The following PLCH2 variants were observed in gnomAD, a reference collection of about 807,000 sequenced individuals.
PLCH2 encodes 1-phosphatidylinositol 4,5-bisphosphate phosphodiesterase eta-2.
Under a neutral mutation model 134.7 loss-of-function variants are expected in PLCH2, and 98 were observed. The observed-to-expected ratio is 0.73, with a 90% CI of 0.62 to 0.86. PLCH2 has a LOEUF of 0.86. Among genes scored for constraint, PLCH2 ranks in the 40% least tolerant of loss-of-function variants. PLCH2 has a pLI of 0.00. For missense variants in PLCH2, 1,994 were observed against 1,986.6 expected (o/e 1.00, Z -0.07); for synonymous variants, 974 against 827.5 (o/e 1.18, Z -3.04).
Position 2,505,316 on chromosome 1 carries a change from C to T in PLCH2, c.*103C>T, listed in dbSNP as rs1056871548. The T allele has an allele frequency of 1.2e-6, 1 of 835,810 alleles. No homozygotes were observed. Among genetic ancestry groups the T allele is most frequent in the Non-Finnish European group, 1.8e-6 (1 of 552,618 alleles). 51.8% of individuals were successfully genotyped at this position (835,810 alleles called of 1,614,324 possible). ...AGCCAGGCCCCCAAAACTGTGTCCC[C>T]CTGGCTGCCCTGTGTCCCCTCCACC... On this transcript the variant is annotated 3_prime_UTR_variant, in exon 22 of 22. Transcript: ENST00000378486.
chr1:2,497,442 G>A, intron 15 of PLCH2, 60 bp from the exon 16 acceptor site: 1 of 1,218,724 alleles, frequency 8.2e-7, no homozygotes. Flanking sequence ...TGGTGGGTGG[G>A]CGGGGCACAC....
intron 2 of PLCH2, among the ~76,000 whole-genome samples, chr1:2,450,970 G>A (rs1468735482): frequency 6.6e-6 from 1 of 151,544 alleles, no homozygotes; most frequent in African/African-American, 2.4e-5. Flanking sequence ...GAGAAGGAGG[G>A]ACAGCTCGGC....
chr1:2,451,221 C>T (rs551509960), intron 2 of PLCH2, among the ~76,000 whole-genome samples: 1 of 152,308 alleles, frequency 6.6e-6, no homozygotes, highest in African/African-American at 2.4e-5. Flanking sequence ...CTCCCCAGGG[C>T]CCTCCCCCTC....
chr1:2,494,052 C>T (rs927468312), intron 11 of PLCH2, among the ~76,000 whole-genome samples: 1 of 152,204 alleles, frequency 6.6e-6, no homozygotes, highest in African/African-American at 2.4e-5. Context: ...ACCGCTGCTG[C>T]AGGCCCACGG....
intron 1 of PLCH2, among the ~76,000 whole-genome samples, chr1:2,429,245 G>C (rs2100478110): frequency 6.6e-6 from 1 of 152,298 alleles, no homozygotes; most frequent in South Asian, 2.1e-4. Flanking sequence ...AGCCCTGGCT[G>C]TTCTTCCCAC....
In PLCH2 at chr1:2,437,768, T is replaced by C. The variant is rs189381864; in HGVS notation, c.115+7139T>C. Among the ~76,000 whole-genome samples the C allele has an allele frequency of 4.0e-4, 61 of 152,238 alleles. No homozygotes were observed. The East Asian group carries it at 5.6e-3, about 14-fold the overall frequency. ...TACCACACACATACGTGCACACACA[T>C]ATGTATACCCACCCCCACACACATA... On this transcript the variant is annotated intron_variant, in intron 2 of 3. Transcript: ENST00000609981.
intron 1 of PLCH2, among the ~76,000 whole-genome samples, chr1:2,430,103 G>C (rs543162404): frequency 6.6e-6 from 1 of 152,120 alleles, no homozygotes; most frequent in Non-Finnish European, 1.5e-5. Flanking sequence ...TTCAGGGCAG[G>C]GTCCTGTGGC....
At position 2,504,553 on chromosome 1, in the gene PLCH2, G is replaced by C. The variant is rs1643429805; in HGVS notation, c.3591G>C (p.Val1197=). The change falls in exon 22 of 22, where the codon GTG becomes GTC. Residue 1197 remains valine, a synonymous_variant. Coordinates refer to ENST00000378486, the MANE Select transcript of PLCH2 (RefSeq NM_014638.4). ...CTGCCCGCCCAGACCTGCCACCTGTGACCAAGAGCAAATCCAACCCCAACC... is the reference window on the plus strand; with the variant it reads ...CTGCCCGCCCAGACCTGCCACCTGTCACCAAGAGCAAATCCAACCCCAACC... ...ASAARPDLPP[V]TKSKSNPNLR... is the part of the protein sequence containing the mutation. The C allele has an allele frequency of 1.9e-6, 3 of 1,612,682 alleles. No individual in the cohort carries two copies. Among genetic ancestry groups the C allele is most frequent in the Non-Finnish European group, 1.7e-6 (2 of 1,179,782 alleles).
upstream of PLCH2, among the ~76,000 whole-genome samples, chr1:2,465,131 C>T (rs912889279): frequency 2.0e-5 from 3 of 152,180 alleles, no homozygotes; most frequent in Non-Finnish European, 4.4e-5. Flanking sequence ...AGCTGAGAAC[C>T]TAGGGCTGTG....
In PLCH2 at chr1:2,436,315, TTCCTCCC is replaced by T. The variant is rs1196227267; in HGVS notation, c.115+5695_115+5701del. Among the ~76,000 whole-genome samples the T allele has an allele frequency of 2.3e-3, 67 of 29,638 alleles. 2 individuals carry two copies. Among genetic ancestry groups the T allele is most frequent in the African/African-American group, 9.3e-3 (60 of 6,464 alleles). The allele number at this position is 29,638 out of a possible 152,430, so 19.4% of individuals were successfully genotyped here. A position where few individuals can be genotyped will look rare whatever the true frequency, so the allele number is the denominator to read the frequency against. ...CCTTTCCTCCTTCTTCCCTCCTCCC[TTCCTCCC>T]TCCTCCCTTCCTCCCTCCACCTTTC... On this transcript the variant is annotated intron_variant, in intron 2 of 3. Transcript: ENST00000609981.
chr1:2,504,778 C>T lies in PLCH2; in HGVS notation c.3816C>T (p.Gly1272=). Residue 1272 remains glycine (G), a synonymous_variant, in exon 22 of 22, where the codon GGC becomes GGT. Coordinates refer to ENST00000378486, the MANE Select transcript of PLCH2 (RefSeq NM_014638.4). ...ACTTTGCCCCTAGCTTTGAGGGCGG[C>T]TCCCGCAGACTGAGCCACAGCCTGG... is the stretch of plus-strand genomic sequence containing the variant. ...ADDFAPSFEG[G]SRRLSHSLGL... is the part of the protein sequence containing the mutation. 1 of 1,612,246 alleles carries T rather than the reference C, an allele frequency of 6.2e-7. No individual in the cohort carries two copies. The highest frequency in any genetic ancestry group is 1.3e-5 in the African/African-American group (1 of 75,054).
chr1:2,483,430 G>A (rs982597025), intron 4 of PLCH2, among the ~76,000 whole-genome samples: 2 of 152,188 alleles, frequency 1.3e-5, no homozygotes, highest in Non-Finnish European at 2.9e-5. Flanking sequence ...GGCTGCCCCT[G>A]CCTGAAATGT....
upstream of PLCH2, among the ~76,000 whole-genome samples, chr1:2,474,271 G>A (rs139686514): frequency 1.4e-3 from 210 of 152,284 alleles, no homozygotes; most frequent in African/African-American, 4.4e-3. Flanking sequence ...CTCTTGGCCC[G>A]GGGCACCCCC....
intron 4 of PLCH2, among the ~76,000 whole-genome samples, chr1:2,482,397 A>T (rs1023727960): frequency 6.6e-6 from 1 of 152,184 alleles, no homozygotes; most frequent in African/African-American, 2.4e-5. Context: ...GTGTCCCCTC[A>T]TGGCTGTCCT....
chr1:2,437,505 C>G (rs1639483023), intron 2 of PLCH2, among the ~76,000 whole-genome samples: 1 of 152,128 alleles, frequency 6.6e-6, no homozygotes, highest in Non-Finnish European at 1.5e-5. Flanking sequence ...TGGGAACACC[C>G]TCCCGCCCAC....
chr1:2,461,570 T>C (rs1167185556), intron 2 of PLCH2, among the ~76,000 whole-genome samples: 1 of 152,132 alleles, frequency 6.6e-6, no homozygotes, highest in African/African-American at 2.4e-5. Context: ...CCCTGCTGGG[T>C]TACCCAGCCC....
At position 2,436,279 on chromosome 1, in the gene PLCH2, TCC is replaced by T. The variant is rs1408297836; in HGVS notation, c.115+5651_115+5652del. Among the ~76,000 whole-genome samples the T allele has an allele frequency of 1.3e-3, 87 of 64,716 alleles. 3 individuals are homozygous for T. Among genetic ancestry groups the T allele is most frequent in the Non-Finnish European group, 1.8e-3 (58 of 31,816 alleles). 42.5% of individuals were successfully genotyped at this position (64,716 alleles called of 152,430 possible). On this transcript the variant is annotated intron_variant, in intron 2 of 3. Transcript: ENST00000609981. ...TCCTCCCTCCTCCTCCTTTCCTCCT[TCC>T]TCCCTCCTCCTTTCCTCCTTCTTCC...
At chr1:2,474,623 G>T (rs773887531), upstream of PLCH2, among the ~76,000 whole-genome samples, 1 of 152,302 alleles carries the variant, frequency 6.6e-6, no homozygotes, top group African/African-American at 2.4e-5. Flanking sequence ...AAGGGAGGGA[G>T]GGAGGGAGCA....
intron 2 of PLCH2, among the ~76,000 whole-genome samples, chr1:2,443,319 A>G (rs4648844): frequency 0.61 from 93,391 of 152,002 alleles, 30,412 homozygotes; most frequent in East Asian, 0.87. Flanking sequence ...TGGGGAAGGG[A>G]TGGCCCAGGC....
Sources: allele counts gnomAD v4.1 joint callset (sites outside exome capture counted in the v4.1 genomes callset), GRCh38; gene constraint gnomAD v4.1.1; transcripts MANE v1.5; gene names NCBI Gene and HGNC (gene_info 2026-07-23, HGNC 2026-07-21).